The following PALS1 variants were observed in gnomAD, a reference collection of about 807,000 sequenced individuals.
PALS1 encodes protein associated with LIN7 1, MAGUK p55 family member, also known as protein PALS1.
PALS1 carries 31 observed loss-of-function variants against 78.9 expected under a neutral mutation model. The ratio of observed to expected loss-of-function variants is 0.39; its 90% CI spans 0.30 to 0.53. The LOEUF (loss-of-function observed/expected upper bound fraction) is 0.53, where lower values mean the gene tolerates loss of function less well. Among genes scored for constraint, PALS1 ranks in the 20% least tolerant of loss-of-function variants. The probability of loss-of-function intolerance (pLI) is 0.67; values close to 1 mark genes in which losing one functional copy is unlikely to be tolerated. For synonymous variants in PALS1, 276 were observed against 270.9 expected (o/e 1.02, Z -0.18); for missense variants, 704 against 826.5 (o/e 0.85, Z 1.82).
intron 4 of PALS1, chr14:67,294,694 A>G (rs1290070245): frequency 6.7e-6 from 1 of 150,296 alleles, no homozygotes; most frequent in African/African-American, 2.4e-5. Flanking sequence ...TTTTTTTGAG[A>G]TGGAGTCTTG....
At chr14:67,243,743 G>T (rs1342730297) in intron 1 of PALS1, among the ~76,000 whole-genome samples, 1 of 151,812 alleles carries the variant, frequency 6.6e-6, no homozygotes, top group Non-Finnish European at 1.5e-5. Flanking sequence ...TGATCCGCCC[G>T]CCTCGCCCTC....
At chr14:67,277,567 G>A (rs1305235148) in intron 2 of PALS1, among the ~76,000 whole-genome samples, 2 of 151,668 alleles carry the variant, frequency 1.3e-5, no homozygotes, top group African/African-American at 4.8e-5. Flanking sequence ...GGAGGTAGTA[G>A]GTTTATTACT....
chr14:67,244,214 A>G (rs886073138), intron 1 of PALS1, among the ~76,000 whole-genome samples: 9 of 152,186 alleles, frequency 5.9e-5, no homozygotes, highest in Non-Finnish European at 1.0e-4. Flanking sequence ...ATCTTTGTGT[A>G]TGTCTCCTTG....
chr14:67,280,849 T>TTCCTTCCTTCCTTCCTTCCC (rs1555520230), intron 3 of PALS1, among the ~76,000 whole-genome samples: 2 of 101,524 alleles, frequency 2.0e-5, no homozygotes, highest in East Asian at 4.4e-4. Context: ...CCTTCCTTCC[T>TTCCTTCCTTCCTTCCTTCCC]TCCTTCCCTC....
At chr14:67,276,259 T>C (rs138452586) in intron 2 of PALS1, among the ~76,000 whole-genome samples, 246 of 152,312 alleles carry the variant, frequency 1.6e-3, no homozygotes, top group African/African-American at 5.7e-3. Flanking sequence ...TTTATCATTA[T>C]TCATGTACAG....
chr14:67,289,202 G>C (rs941362204), intron 3 of PALS1, among the ~76,000 whole-genome samples: 1 of 151,594 alleles, frequency 6.6e-6, no homozygotes, highest in East Asian at 1.9e-4. Context: ...TCCTGACTTC[G>C]TGTGATCCAC....
intron 4 of PALS1, chr14:67,294,427 A>G (rs1480507065): frequency 6.6e-6 from 1 of 152,066 alleles, no homozygotes; most frequent in African/African-American, 2.4e-5. Context: ...GCAATCACCA[A>G]TCCAACTCCC....
intron 4 of PALS1, chr14:67,295,067 A>G (rs1353298778): frequency 6.6e-6 from 1 of 151,566 alleles, no homozygotes; most frequent in East Asian, 1.9e-4. Flanking sequence ...ATGAAAGCCA[A>G]CGCGCTGAGA....
intron 14 of PALS1, among the ~76,000 whole-genome samples, chr14:67,326,197 T>G (rs2085354682): frequency 1.4e-5 from 2 of 139,858 alleles, no homozygotes; most frequent in Admixed American, 7.4e-5. Flanking sequence ...GAATTGGCCA[T>G]CCTAAAATTT....
intron 3 of PALS1, 48 bp downstream of exon 3, chr14:67,279,585 C>T (rs1224471176): frequency 1.4e-6 from 2 of 1,479,134 alleles, no homozygotes; most frequent in Non-Finnish European, 9.0e-7. Flanking sequence ...TTTAATTTAT[C>T]TGTGCCTTAT....
chr14:67,308,769 G>A (rs897848405), intron 8 of PALS1, among the ~76,000 whole-genome samples: 2 of 151,758 alleles, frequency 1.3e-5, no homozygotes, highest in Non-Finnish European at 2.9e-5. Flanking sequence ...AAAAAACATT[G>A]AACATGTCCC....
intron 13 of PALS1, among the ~76,000 whole-genome samples, chr14:67,321,711 G>T (rs2085267341): frequency 6.6e-6 from 1 of 152,114 alleles, no homozygotes; most frequent in African/African-American, 2.4e-5. Context: ...GTCACATGAG[G>T]CCAGGGTAAC....
chr14:67,318,714 T>C (rs1035471661), intron 11 of PALS1, among the ~76,000 whole-genome samples: 1 of 152,162 alleles, frequency 6.6e-6, no homozygotes, highest in Admixed American at 6.5e-5. Context: ...GCAGTAACTA[T>C]ATGATGTTGT....
chr14:67,308,406 C>T (rs896033985), intron 8 of PALS1, among the ~76,000 whole-genome samples: 1 of 151,214 alleles, frequency 6.6e-6, no homozygotes, highest in African/African-American at 2.4e-5. Context: ...TTCCATTAAG[C>T]TAATCCCAAA....
intron 3 of PALS1, among the ~76,000 whole-genome samples, chr14:67,283,647 A>G (rs914040280): frequency 1.3e-5 from 2 of 152,200 alleles, no homozygotes; most frequent in Non-Finnish European, 2.9e-5. Flanking sequence ...TGTTGTCACT[A>G]GATTTAATGT....
intron 8 of PALS1, among the ~76,000 whole-genome samples, chr14:67,309,416 G>T (rs919532007): frequency 8.6e-5 from 13 of 152,038 alleles, no homozygotes; most frequent in African/African-American, 2.7e-4. Flanking sequence ...ATTAATAAGA[G>T]CCTTTTCCTC....
intron 3 of PALS1, among the ~76,000 whole-genome samples, chr14:67,282,403 C>G (rs1174582019): frequency 6.6e-6 from 1 of 152,060 alleles, no homozygotes; most frequent in Non-Finnish European, 1.5e-5. Context: ...TGAGAGGAAG[C>G]CTTCAGTTTC....
intron 1 of PALS1, among the ~76,000 whole-genome samples, chr14:67,262,668 G>GT (rs1478623762): frequency 2.6e-5 from 4 of 152,082 alleles, no homozygotes; most frequent in Non-Finnish European, 5.9e-5. Context: ...CAGAAAATCT[G>GT]TTTTGTTGTT....
intron 1 of PALS1, among the ~76,000 whole-genome samples, chr14:67,250,906 A>G (rs1275963275): frequency 6.6e-6 from 1 of 152,204 alleles, no homozygotes; most frequent in Non-Finnish European, 1.5e-5. Context: ...CTTATCCAGA[A>G]TTGTATCCCT....
Sources: allele counts gnomAD v4.1 joint callset (sites outside exome capture counted in the v4.1 genomes callset), GRCh38; gene constraint gnomAD v4.1.1; transcripts MANE v1.5; gene names NCBI Gene and HGNC (gene_info 2026-07-23, HGNC 2026-07-21).